Variants in OR13A1 observed in about 807,000 individuals in gnomAD.
The protein encoded by OR13A1 is olfactory receptor 13A1.
In OR13A1, 10 loss-of-function variants were observed where a neutral mutation model predicts 7.5. That is an observed-to-expected ratio of 1.34 (90% CI 0.83 to 2.27). The LOEUF (loss-of-function observed/expected upper bound fraction) is 2.27, where lower values mean the gene tolerates loss of function less well. Ranked by LOEUF, OR13A1 falls within the 30% of genes most tolerant of loss-of-function variation. OR13A1 has a pLI of 0.00. For synonymous variants in OR13A1, 238 were observed against 177.9 expected, an observed-to-expected ratio of 1.34 and a Z score of -2.69; for missense variants, 509 against 419.1, an observed-to-expected ratio of 1.21 and a Z score of -1.87.
At chr10:45,314,189 T>C (rs1486579510) in intron 1 of OR13A1, among the ~76,000 whole-genome samples, 1 of 151,840 alleles carries the variant, frequency 6.6e-6, no homozygotes, top group Non-Finnish European at 1.5e-5. Flanking sequence ...ACAAGGGAAG[T>C]TAGAAAATAT....
In OR13A1 at chr10:45,303,727, G is replaced by A. The variant is rs146049499; in HGVS notation, c.696C>T (p.Thr232=). The change falls in exon 4 of 4, where the codon ACC becomes ACT. Residue 232 remains threonine (T), a synonymous_variant. Transcript: ENST00000553795. ...AGACGATGAAGCCATAGGACGCGAT[G>A]GTCATCAGGAAGTTCACTATGCCGT... ...AFYGIVNFLM[T]IASYGFIVSS... 8.9e-5 allele frequency: 143 copies of A among 1,614,202 alleles called. No homozygotes were observed. The highest frequency in any genetic ancestry group is 1.7e-4 in the Admixed American group (10 of 60,034).
In OR13A1 at chr10:45,303,833, C is replaced by T; in HGVS notation, c.590G>A (p.Cys197Tyr). 1 of 1,612,804 alleles carries T rather than the reference C, an allele frequency of 6.2e-7. No homozygotes were observed. Among genetic ancestry groups the T allele is most frequent in the Non-Finnish European group, 8.5e-7 (1 of 1,180,038 alleles). Residue 197 changes from cysteine to tyrosine, a missense_variant, in exon 4 of 4, where the codon TGC (cysteine) becomes TAC (tyrosine). Cys to Tyr is a radical substitution (Grantham distance 194). Coordinates refer to ENST00000553795, the MANE Select transcript of OR13A1 (RefSeq NM_001004297.3). ...GAGAAGCAGCAGGGGAGGGACCTCG[C>T]AGAAGAAATGGATAATGACATTGGG... Reference protein sequence around the residue: ...CGPNVIIHFFCEVPPLLLLSC... With the variant: ...CGPNVIIHFFYEVPPLLLLSC...
At position 45,303,159 on chromosome 10, in the gene OR13A1, A is replaced by G. The variant is rs932579974; in HGVS notation, c.*277T>C. 15 of 392,822 alleles carry G rather than the reference A, an allele frequency of 3.8e-5. No individual in the cohort carries two copies. Among genetic ancestry groups the G allele is most frequent in the Middle Eastern group, 6.5e-4 (1 of 1,534 alleles). The allele number at this position is 392,822 out of a possible 1,614,324, so 24.3% of individuals were successfully genotyped here. ...GCTATGAGTTGAAAACACAAGGAAC[A>G]CTTTTCTCCTCCTAGGCCCTGTGTT... On this transcript the variant is annotated 3_prime_UTR_variant, in exon 4 of 4. Coordinates refer to ENST00000553795, the MANE Select transcript of OR13A1 (RefSeq NM_001004297.3).
chr10:45,314,087 G>C (rs145930864), intron 1 of OR13A1, among the ~76,000 whole-genome samples: 1 of 151,920 alleles, frequency 6.6e-6, no homozygotes, highest in Non-Finnish European at 1.5e-5. Flanking sequence ...CATAAAACTA[G>C]ACATCAGTAG....
rs767074491 is a variant in OR13A1 at position 45,303,401 on chromosome 10, C to T, written c.*35G>A. On this transcript the variant is annotated 3_prime_UTR_variant, in exon 4 of 4. Transcript: ENST00000553795. Reference sequence around the variant, plus strand: ...TGCTCATCAGACTCCACTAAAACTGCAGTCTCCAAGGACAAAAACTTCAGA... The same window carrying T: ...TGCTCATCAGACTCCACTAAAACTGTAGTCTCCAAGGACAAAAACTTCAGA... The T allele has an allele frequency of 4.5e-6, 7 of 1,544,842 alleles. No individual in the cohort carries two copies. The South Asian group carries it at 6.3e-5, about 14-fold the overall frequency.
rs115542228 is a variant in OR13A1, at chr10:45,303,672, C to T, written c.751G>A (p.Gly251Arg). Reference sequence around the variant, plus strand: ...CAGGTGGAGAAGGCTTTCTGCCTCCCCCAGGCAGTCTTCACCTTCAGGATG... The same window carrying T: ...CAGGTGGAGAAGGCTTTCTGCCTCCTCCAGGCAGTCTTCACCTTCAGGATG... ...SSILKVKTAW[G>R]RQKAFSTCSS... The change falls in exon 4 of 4, where the codon GGG becomes AGG. Residue 251 changes from glycine (G) to arginine (R), a missense_variant. Physicochemically the swap from Gly to Arg is moderately radical, Grantham distance 125. Coordinates refer to ENST00000553795, the MANE Select transcript of OR13A1 (RefSeq NM_001004297.3). The T allele has an allele frequency of 1.0e-4, 167 of 1,614,178 alleles. 1 individual carries two copies. The African/African-American group carries it at 1.9e-3, about 18-fold the overall frequency.
chr10:45,308,000 C>T (rs1287983703), intron 1 of OR13A1, among the ~76,000 whole-genome samples, 192 bp from the exon 2 acceptor site: 1 of 152,104 alleles, frequency 6.6e-6, no homozygotes, highest in African/African-American at 2.4e-5. Flanking sequence ...TTCATAGTTT[C>T]ATAAACAGAA....
intron 3 of OR13A1, among the ~76,000 whole-genome samples, chr10:45,305,252 T>A (rs1588941775): frequency 6.7e-6 from 1 of 149,626 alleles, no homozygotes; most frequent in East Asian, 2.0e-4. Context: ...GTTTTAATTT[T>A]AAAAAAAGGA....
Position 45,303,570 on chromosome 10 carries a change from T to C in OR13A1, c.853A>G (p.Ser285Gly). The change falls in exon 4 of 4, where the codon AGC (serine) becomes GGC (glycine). Residue 285 changes from serine to glycine, a missense_variant. Ser to Gly is a moderately conservative substitution (Grantham distance 56, BLOSUM62 0). Transcript: ENST00000553795. ...CCAGCCAACTTGCTCTTCCCTGCGC[T>C]GTAGCCAGAGACCGGGCTTATGTAG... The part of the protein sequence containing the change: ...YAYISPVSGY[S>G]AGKSKLAGLL... 6.2e-7 allele frequency: 1 copy of C among 1,614,142 alleles called. No homozygotes were observed. Among genetic ancestry groups the C allele is most frequent in the Non-Finnish European group, 8.5e-7 (1 of 1,180,030 alleles).
Position 45,303,456 on chromosome 10 carries a change from A to C in OR13A1, c.967T>G (p.Phe323Val). 6.3e-7 allele frequency: 1 copy of C among 1,593,748 alleles called. No homozygotes were observed. The highest frequency in any genetic ancestry group is 8.6e-7 in the Non-Finnish European group (1 of 1,168,796). ...KEVKAALRKL[F>V]PFFRN ...ACAAGTTAATTTCTGAAGAAAGGGA[A>C]AAGCTTCCTGAGGGCTGCTTTGACC... Residue 323 changes from phenylalanine (F) to valine (V), a missense_variant, in exon 4 of 4, where the codon TTC becomes GTC. By Grantham distance (50) the Phe-to-Val change is conservative (BLOSUM62 -1). Coordinates refer to ENST00000553795, the MANE Select transcript of OR13A1 (RefSeq NM_001004297.3).
At chr10:45,310,964 T>C (rs925281723) in intron 1 of OR13A1, among the ~76,000 whole-genome samples, 4 of 152,168 alleles carry the variant, frequency 2.6e-5, no homozygotes, top group African/African-American at 9.7e-5. Context: ...AAGTTCCCAT[T>C]TGATGGAGAA....
intron 1 of OR13A1, among the ~76,000 whole-genome samples, chr10:45,313,200 T>C (rs1224837940): frequency 6.6e-6 from 1 of 152,102 alleles, no homozygotes; most frequent in Non-Finnish European, 1.5e-5. Flanking sequence ...GTCGAAGTTA[T>C]TCTCTTAACA....
intron 1 of OR13A1, among the ~76,000 whole-genome samples, chr10:45,315,060 T>A (rs1838500506): frequency 6.6e-6 from 1 of 151,148 alleles, no homozygotes; most frequent in Admixed American, 6.6e-5. Context: ...AGTATTACCC[T>A]GATTTCAAAG....
At chr10:45,305,770 A>C (rs1838315544) in intron 3 of OR13A1, among the ~76,000 whole-genome samples, 1 of 152,172 alleles carries the variant, frequency 6.6e-6, no homozygotes, top group Admixed American at 6.5e-5. Context: ...CCTTTTTCTC[A>C]TGAACCAGGG....
chr10:45,306,221 G>A (rs1384254010), intron 3 of OR13A1, among the ~76,000 whole-genome samples: 2 of 152,282 alleles, frequency 1.3e-5, no homozygotes, highest in Middle Eastern at 3.4e-3. Context: ...TTGGGAGGCC[G>A]TGGAGGGTGG....
chr10:45,304,151 C>T lies in OR13A1; in HGVS notation c.272G>A (p.Cys91Tyr). ...LLNLATMDII[C>Y]TSSIMPKALA... ...CGCCTTGGGCATGATGGAAGAGGTG[C>T]AGATAATGTCCATAGTAGCCAAGTT... is the stretch of plus-strand genomic sequence containing the variant. The change falls in exon 4 of 4, where the codon TGC becomes TAC. Residue 91 changes from cysteine to tyrosine, a missense_variant. Coordinates refer to ENST00000553795, the MANE Select transcript of OR13A1 (RefSeq NM_001004297.3). The T allele has an allele frequency of 6.2e-7, 1 of 1,614,190 alleles. No individual in the cohort carries two copies. Among genetic ancestry groups the T allele is most frequent in the Non-Finnish European group, 8.5e-7 (1 of 1,180,042 alleles).
Position 45,304,166 on chromosome 10 carries a change from G to T in OR13A1, c.257C>A (p.Thr86Asn). The T allele has an allele frequency of 6.2e-7, 1 of 1,614,238 alleles. No individual in the cohort carries two copies. Among genetic ancestry groups the T allele is most frequent in the South Asian group, 1.1e-5 (1 of 91,084 alleles). Residue 86 changes from threonine (T) to asparagine (N), a missense_variant, in exon 4 of 4, where the codon ACT becomes AAT. Coordinates refer to ENST00000553795, the MANE Select transcript of OR13A1 (RefSeq NM_001004297.3). ...GGAAGAGGTGCAGATAATGTCCATA[G>T]TAGCCAAGTTGAGTAAGAAAAAGTA... The part of the protein sequence containing the change: ...PMYFFLLNLA[T>N]MDIICTSSIM...
At chr10:45,313,422 G>T (rs374802034) in intron 1 of OR13A1, among the ~76,000 whole-genome samples, 1 of 151,888 alleles carries the variant, frequency 6.6e-6, no homozygotes, top group African/African-American at 2.4e-5. Context: ...GGCAAGTGTA[G>T]GTCCTTCCCT....
intron 3 of OR13A1, among the ~76,000 whole-genome samples, chr10:45,306,962 T>C (rs1198596915): frequency 6.6e-6 from 1 of 152,242 alleles, no homozygotes; most frequent in Non-Finnish European, 1.5e-5. Context: ...TTTGCTCTTA[T>C]GATGGCCCAG....
Sources: gnomAD v4.1 joint callset for allele counts (sites outside exome capture counted in the v4.1 genomes callset) on GRCh38, gnomAD v4.1.1 for gene constraint, MANE v1.5 for transcripts, NCBI Gene and HGNC (gene_info 2026-07-23, HGNC 2026-07-21) for gene names.